The following PKP3 variants were observed in gnomAD, a reference collection of about 807,000 sequenced individuals.
PKP3 encodes the protein plakophilin 3.
In PKP3, 66 loss-of-function variants were observed where a neutral mutation model predicts 76.5. The observed-to-expected ratio is 0.86, with a 90% confidence interval of 0.71 to 1.06. The LOEUF (loss-of-function observed/expected upper bound fraction) is 1.06. Among genes scored for constraint, PKP3 ranks in the 50% least tolerant of loss-of-function variants. The pLI is 0.00. For missense variants in PKP3, 1,338 were observed against 1,141.0 expected (o/e 1.17, Z -2.49); for synonymous variants, 638 against 516.5 (o/e 1.24, Z -3.19).
At chr11:398,061 C>T (rs1847083600) in intron 4 of PKP3, among the ~76,000 whole-genome samples, 2 of 104,112 alleles carry the variant, frequency 1.9e-5, no homozygotes, top group Non-Finnish European at 3.9e-5. Context: ...CCTGCGTCAC[C>T]TCCGTACCCC....
chr11:399,212 TCC>T lies in PKP3; in HGVS notation c.1273+17_1273+18del. 6.6e-7 allele frequency: 1 copy of T among 1,514,746 alleles called. No homozygotes were observed. Among genetic ancestry groups the T allele is most frequent in the Non-Finnish European group, 8.9e-7 (1 of 1,122,446 alleles). 93.8% of individuals were successfully genotyped at this position (1,514,746 alleles called of 1,614,324 possible). A position where few individuals can be genotyped will look rare whatever the true frequency, so the allele number is the denominator to read the frequency against. The stretch of plus-strand genomic sequence containing the variant: ...AATGTCACAGGTGCTGCCTGTCCCC[TCC>T]TCCACCTGTCCTTCCTCCACCTGCG... On this transcript the variant is annotated intron_variant, in intron 5 of 12. Coordinates refer to ENST00000331563, the MANE Select transcript of PKP3 (RefSeq NM_007183.4).
At chr11:400,171 A>G in intron 6 of PKP3, 30 bp downstream of exon 6, 1 of 1,505,866 alleles carries the variant, frequency 6.6e-7, no homozygotes, top group Non-Finnish European at 8.9e-7. Flanking sequence ...CGGGGTGGGG[A>G]TTGCAGGCGC....
chr11:397,086 C>T lies in PKP3; in HGVS notation c.585C>T (p.Tyr195=). Residue 195 remains tyrosine, a synonymous_variant, in exon 3 of 13, where the codon TAC becomes TAT. Coordinates refer to ENST00000331563, the MANE Select transcript of PKP3 (RefSeq NM_007183.4). ...RLGPGGLDDR[Y]SLVSEQLEPA... Reference sequence around the variant, plus strand: ...GGCCCGGGGGCCTGGACGACCGCTACAGCCTGGTGTCTGAGCAGCTGGAGC... The same window carrying T: ...GGCCCGGGGGCCTGGACGACCGCTATAGCCTGGTGTCTGAGCAGCTGGAGC... 1.9e-6 allele frequency: 3 copies of T among 1,598,538 alleles called. No individual in the cohort carries two copies. The highest frequency in any genetic ancestry group is 1.1e-5 in the South Asian group (1 of 91,042).
At position 397,104 on chromosome 11, in the gene PKP3, G is replaced by C. The variant is rs1847059794; in HGVS notation, c.603G>C (p.Gln201His). 1 of 1,597,954 alleles carries C rather than the reference G, an allele frequency of 6.3e-7. No individual in the cohort carries two copies. Among genetic ancestry groups the C allele is most frequent in the Non-Finnish European group, 8.5e-7 (1 of 1,179,256 alleles). Residue 201 changes from glutamine (Q) to histidine (H), a missense_variant, in exon 3 of 13, where the codon CAG (glutamine) becomes CAC (histidine). Gln to His is a conservative substitution (Grantham distance 24). Coordinates refer to ENST00000331563, the MANE Select transcript of PKP3 (RefSeq NM_007183.4). The stretch of plus-strand genomic sequence containing the variant: ...ACCGCTACAGCCTGGTGTCTGAGCA[G>C]CTGGAGCCCGCGGCCACCTCCACCT... ...LDDRYSLVSE[Q>H]LEPAATSTYR...
Position 400,056 on chromosome 11 carries a change from C to G in PKP3, c.1363C>G (p.Pro455Ala). The change falls in exon 6 of 13, where the codon CCC (proline) becomes GCC (alanine). Residue 455 changes from proline to alanine, a missense_variant. Physicochemically the swap from Pro to Ala is conservative, Grantham distance 27 (BLOSUM62 -1). Transcript: ENST00000331563. ...GCAGCTCACAGACCTGGTGTTGAGCCCCCTGTCGGGGGCTGGGGGTCCCCC... is the reference window on the plus strand; with the variant it reads ...GCAGCTCACAGACCTGGTGTTGAGCGCCCTGTCGGGGGCTGGGGGTCCCCC... Reference protein sequence around the residue: ...LEQLTDLVLSPLSGAGGPPLI... With the variant: ...LEQLTDLVLSALSGAGGPPLI... 6.2e-7 allele frequency: 1 copy of G among 1,605,968 alleles called. No individual in the cohort carries two copies. Among genetic ancestry groups the G allele is most frequent in the South Asian group, 1.1e-5 (1 of 90,136 alleles).
chr11:394,232 G>A lies in PKP3; in HGVS notation c.-61G>A. On this transcript the variant is annotated 5_prime_UTR_variant, in exon 1 of 13. Transcript: ENST00000331563. ...TCAGGGAGAGGGCCTCGAGGGACAG[G>A]ACGTGAAGATAGTTGGGTTTGGAGG... 2 of 1,433,888 alleles carry A rather than the reference G, an allele frequency of 1.4e-6. No homozygotes were observed. The highest frequency in any genetic ancestry group is 9.1e-7 in the Non-Finnish European group (1 of 1,099,184). The allele number at this position is 1,433,888 out of a possible 1,614,324, so 88.8% of individuals were successfully genotyped here.
At chr11:396,289 T>G in intron 1 of PKP3, 4 of 329,808 alleles carry the variant, frequency 1.2e-5, no homozygotes, top group Non-Finnish European at 1.1e-5. Context: ...ATGGCAAGGA[T>G]TGGAGAACTG....
chr11:398,786 C>T lies in PKP3; in HGVS notation c.1069-206C>T, dbSNP rs375713980. Among the ~76,000 whole-genome samples the T allele has an allele frequency of 1.4e-4, 18 of 131,204 alleles. No homozygotes were observed. The East Asian group carries it at 4.1e-3, about 30-fold the overall frequency. 86.1% of individuals were successfully genotyped at this position (131,204 alleles called of 152,430 possible). A position where few individuals can be genotyped will look rare whatever the true frequency, so the allele number is the denominator to read the frequency against. ...CCCCCGCACACACCTCCGTCACCTCCGTACCCCCGCACACACCTGCGTCAC... is the reference window on the plus strand; with the variant it reads ...CCCCCGCACACACCTCCGTCACCTCTGTACCCCCGCACACACCTGCGTCAC... On this transcript the variant is annotated intron_variant, in intron 4 of 12. Transcript: ENST00000331563.
chr11:400,239 C>A, intron 6 of PKP3, 95 bp from the exon 7 acceptor site: 1 of 1,407,294 alleles, frequency 7.1e-7, no homozygotes, highest in African/African-American at 1.4e-5. Context: ...CCGCACGCCT[C>A]GCGCTGGGGA....
chr11:399,112 C>G lies in PKP3; in HGVS notation c.1189C>G (p.Leu397Val). 1 of 1,612,094 alleles carries G rather than the reference C, an allele frequency of 6.2e-7. No individual in the cohort carries two copies. The highest frequency in any genetic ancestry group is 1.1e-5 in the South Asian group (1 of 91,076). Residue 397 changes from leucine to valine, a missense_variant, in exon 5 of 13, where the codon CTG (leucine) becomes GTG (valine). Leu to Val is a conservative substitution (Grantham distance 32). Coordinates refer to ENST00000331563, the MANE Select transcript of PKP3 (RefSeq NM_007183.4). Reference sequence around the variant, plus strand: ...CATCTACGACAACGCTGACAACAAGCTGGCCCTGGTGGAGGAGAACGGGAT... The same window carrying G: ...CATCTACGACAACGCTGACAACAAGGTGGCCCTGGTGGAGGAGAACGGGAT... ...NLIYDNADNK[L>V]ALVEENGIFE...
At position 398,988 on chromosome 11, in the gene PKP3, G is replaced by T. The variant is rs185527086; in HGVS notation, c.1069-4G>T. Reference sequence around the variant, plus strand: ...TGTGCACCCCCATATGCCTGTGCCCGCAGGCCCGCAGCCTTCAGGCCGTGC... The same window carrying T: ...TGTGCACCCCCATATGCCTGTGCCCTCAGGCCCGCAGCCTTCAGGCCGTGC... On this transcript the variant is annotated splice_region_variant and splice_polypyrimidine_tract_variant and intron_variant, in intron 4 of 12. Transcript: ENST00000331563. The T allele has an allele frequency of 6.4e-7, 1 of 1,555,972 alleles. No homozygotes were observed. The highest frequency in any genetic ancestry group is 1.4e-5 in the African/African-American group (1 of 73,672).
At chr11:403,809 C>T (rs1211796992) in intron 10 of PKP3, 38 bp downstream of exon 10, 5 of 1,598,926 alleles carry the variant, frequency 3.1e-6, no homozygotes, top group South Asian at 2.2e-5. Flanking sequence ...CCTGCTGGAC[C>T]CACATGTCAA....
At chr11:403,586 CG>C in intron 9 of PKP3, 31 bp from the exon 10 acceptor site, 2 of 1,594,420 alleles carry the variant, frequency 1.3e-6, no homozygotes, top group Non-Finnish European at 1.7e-6. Context: ...CTGAGGCCTC[CG>C]GGTCACGGCT....
At position 404,440 on chromosome 11, in the gene PKP3, T is replaced by C. The variant is rs746443135; in HGVS notation, c.2359-94T>C. 10 of 1,499,928 alleles carry C rather than the reference T, an allele frequency of 6.7e-6. No homozygotes were observed. The highest frequency in any genetic ancestry group is 1.1e-5 in the South Asian group (1 of 88,796). The allele number at this position is 1,499,928 out of a possible 1,614,324, so 92.9% of individuals were successfully genotyped here. A position where few individuals can be genotyped will look rare whatever the true frequency, so the allele number is the denominator to read the frequency against. On this transcript the variant is annotated intron_variant, in intron 12 of 12. Transcript: ENST00000331563. This position sits in a 1 kb window ranked among gnomAD's most constrained non-coding sequence, Gnocchi z 4.2. ...AGACCAGGGACCCAGAGAGGAAGGG[T>C]CCGGGCCACACCCAGCACACTGCAG...
rs752332839 is a variant in PKP3 at position 403,034 on chromosome 11, ACCCG to A, written c.1738-42_1738-39del. ...CGCTCACCCCGACCCGCTCACCCCG[ACCCG>A]CTCACCCCGACCCCGCCGACTCCTC... On this transcript the variant is annotated intron_variant, in intron 8 of 12. Transcript: ENST00000331563. The A allele has an allele frequency of 1.0e-5, 8 of 788,330 alleles. 3 individuals are homozygous for A. The South Asian group carries it at 1.9e-4, about 19-fold the overall frequency. The allele number at this position is 788,330 out of a possible 1,614,324, so 48.8% of individuals were successfully genotyped here. A position where few individuals can be genotyped will look rare whatever the true frequency, so the allele number is the denominator to read the frequency against.
rs1246255442 is a variant in PKP3 at position 394,452 on chromosome 11, C to T, written c.160C>T (p.Leu54Phe). The change falls in exon 1 of 13, where the codon CTC becomes TTC. Residue 54 changes from leucine (L) to phenylalanine (F), a missense_variant. Physicochemically the swap from Leu to Phe is conservative, Grantham distance 22 (BLOSUM62 0). Transcript: ENST00000331563. ...CGTCCAGGAGCAGGTCCGCGCCCGC[C>T]TCTTGCAGCTGGGACAGCAGCCGCG... The part of the protein sequence containing the change: ...ARVQEQVRAR[L>F]LQLGQQPRHN... 5.5e-6 allele frequency: 8 copies of T among 1,450,284 alleles called. No homozygotes were observed. Among genetic ancestry groups the T allele is most frequent in the Non-Finnish European group, 7.2e-6 (8 of 1,108,778 alleles). The allele number at this position is 1,450,284 out of a possible 1,614,324, so 89.8% of individuals were successfully genotyped here.
At chr11:400,897 A>C (rs1423769672) in intron 8 of PKP3, among the ~76,000 whole-genome samples, 192 bp downstream of exon 8, 3 of 12,932 alleles carry the variant, frequency 2.3e-4, no homozygotes, top group African/African-American at 3.9e-4. Context: ...CGCCCCGCTC[A>C]CCCCCGCCCC....
chr11:399,243 C>G (rs1847107295), intron 5 of PKP3, 47 bp downstream of exon 5: 2 of 1,327,628 alleles, frequency 1.5e-6, no homozygotes, highest in Non-Finnish European at 1.0e-6. Flanking sequence ...ACCTGCGCCC[C>G]TCTGCCTATC....
chr11:392,809 C>T (rs1590349922), upstream of PKP3: 3 of 527,518 alleles, frequency 5.7e-6, no homozygotes, highest in Non-Finnish European at 1.0e-5. Flanking sequence ...CCCTTTAACC[C>T]CCCACGCTGA....
Sources: allele counts gnomAD v4.1 joint callset (sites outside exome capture counted in the v4.1 genomes callset), GRCh38; gene constraint gnomAD v4.1.1; non-coding constraint Gnocchi (gnomAD v3.1); transcripts MANE v1.5; gene names NCBI Gene and HGNC (gene_info 2026-07-23, HGNC 2026-07-21).